PCDHGA6: variants seen among roughly 807,000 people sequenced by gnomAD.
PCDHGA6 encodes the protein protocadherin gamma-A6.
Under a neutral mutation model 60.6 loss-of-function variants are expected in PCDHGA6, and 41 were observed. The ratio of observed to expected loss-of-function variants is 0.68; its 90% CI spans 0.53 to 0.88. The LOEUF (loss-of-function observed/expected upper bound fraction) is 0.88, where lower values mean the gene tolerates loss of function less well. PCDHGA6 is among the 40% of genes least tolerant of loss of function. PCDHGA6 has a pLI of 0.00. For missense variants in PCDHGA6, 1,312 were observed against 1,203.0 expected, an observed-to-expected ratio of 1.09 and a Z score of -1.34; for synonymous variants, 594 against 524.4, an observed-to-expected ratio of 1.13 and a Z score of -1.81.
chr5:141,399,940 C>T lies in PCDHGA6; in HGVS notation c.2424+23433C>T, dbSNP rs374856105. On this transcript the variant is annotated intron_variant, in intron 1 of 3. Transcript: ENST00000517434. Reference sequence around the variant, plus strand: ...CAACGCCTGGCTGTCCTACCACGTGCTGCAGGCTAGCGAGCCCGGGCTCTT... The same window carrying T: ...CAACGCCTGGCTGTCCTACCACGTGTTGCAGGCTAGCGAGCCCGGGCTCTT... 4.8e-4 allele frequency: 772 copies of T among 1,612,360 alleles called. 1 individual carries two copies. In the African/African-American group the frequency reaches 9.6e-3, roughly 20 times the overall value.
intron 1 of PCDHGA6, chr5:141,422,335 C>T (rs1196951059): frequency 6.5e-7 from 1 of 1,549,804 alleles, no homozygotes; most frequent in Non-Finnish European, 8.7e-7. Flanking sequence ...GATTGCTCTT[C>T]TAAATGTGCA....
intron 1 of PCDHGA6, among the ~76,000 whole-genome samples, chr5:141,458,664 G>A (rs544369246): frequency 6.6e-6 from 1 of 152,196 alleles, no homozygotes; most frequent in African/African-American, 2.4e-5. Context: ...CCACCTCTCG[G>A]GTTCAAGCAA....
intron 1 of PCDHGA6, among the ~76,000 whole-genome samples, chr5:141,425,410 A>G (rs1283299220): frequency 2.0e-5 from 3 of 152,240 alleles, no homozygotes; most frequent in African/African-American, 7.2e-5. Flanking sequence ...TTAAGGTATA[A>G]CATATAGTCC....
chr5:141,459,171 A>G (rs2098962477), intron 1 of PCDHGA6, among the ~76,000 whole-genome samples: 1 of 152,180 alleles, frequency 6.6e-6, no homozygotes, highest in Non-Finnish European at 1.5e-5. Flanking sequence ...ATAACCTTCA[A>G]AAGTTCCCTC....
intron 3 of PCDHGA6, chr5:141,506,958 A>C (rs529190059): frequency 1.6e-3 from 239 of 152,280 alleles, no homozygotes; most frequent in African/African-American, 5.5e-3. Flanking sequence ...GAATCCTCTC[A>C]ATAGCTCTGC....
intron 1 of PCDHGA6, among the ~76,000 whole-genome samples, chr5:141,457,968 G>A (rs919621979): frequency 6.6e-6 from 1 of 152,120 alleles, no homozygotes; most frequent in African/African-American, 2.4e-5. Context: ...TTCCTTAAAG[G>A]GAAACACACC....
intron 1 of PCDHGA6, chr5:141,418,622 G>C: frequency 6.2e-7 from 1 of 1,614,026 alleles, no homozygotes; most frequent in Non-Finnish European, 8.5e-7. Context: ...TCGGGAAGAC[G>C]TGCCTCCAGG....
intron 1 of PCDHGA6, chr5:141,404,914 C>T (rs1423848318): frequency 1.2e-6 from 2 of 1,613,948 alleles, no homozygotes; most frequent in Non-Finnish European, 1.7e-6. Flanking sequence ...AGCCCCCTCT[C>T]TCGGCCACTG....
chr5:141,390,556 CAGTTGTTGG>C, intron 1 of PCDHGA6: 2 of 454,162 alleles, frequency 4.4e-6, no homozygotes, highest in Admixed American at 3.9e-5. Flanking sequence ...AAGTGTTAGA[CAGTTGTTGG>C]CTCTCTCCTA....
chr5:141,379,418 GA>G (rs1208942827), intron 1 of PCDHGA6: 1 of 152,186 alleles, frequency 6.6e-6, no homozygotes, highest in African/African-American at 2.4e-5. Context: ...TTAGTCTCAT[GA>G]GTTAGATGGG....
At chr5:141,441,635 G>T in intron 1 of PCDHGA6, 1 of 226,720 alleles carries the variant, frequency 4.4e-6, no homozygotes, top group Non-Finnish European at 8.9e-6. Flanking sequence ...TGGAGCCACA[G>T]GCGCTGTGAT....
In PCDHGA6 at chr5:141,421,591, G is replaced by A. The variant is rs1273484124; in HGVS notation, c.2424+45084G>A. The A allele has an allele frequency of 1.9e-6, 3 of 1,613,756 alleles. No homozygotes were observed. In the Admixed American group the frequency reaches 5.0e-5, roughly 27 times the overall value. ...CACCTTGAAGATTTACGGAGTGGAG[G>A]TGGAAATAATAGATATTAATGATAA... is the stretch of plus-strand genomic sequence containing the variant. On this transcript the variant is annotated intron_variant, in intron 1 of 3. Transcript: ENST00000517434.
At chr5:141,434,920 A>G (rs927245955) in intron 1 of PCDHGA6, among the ~76,000 whole-genome samples, 3 of 151,796 alleles carry the variant, frequency 2.0e-5, no homozygotes, top group East Asian at 1.9e-4. Flanking sequence ...ATTTATGTAC[A>G]TATATTTTAT....
chr5:141,409,369 C>T, intron 1 of PCDHGA6: 1 of 1,613,986 alleles, frequency 6.2e-7, no homozygotes, highest in Non-Finnish European at 8.5e-7. Flanking sequence ...TAGAAACAGA[C>T]ATTCCATTCA....
In PCDHGA6 at chr5:141,488,435, C is replaced by T. The variant is rs111661764; in HGVS notation, c.2425-6372C>T. Among the ~76,000 whole-genome samples, 87 of 152,276 alleles carry T rather than the reference C, an allele frequency of 5.7e-4. 1 individual carries two copies. The highest frequency in any genetic ancestry group is 1.6e-3 in the African/African-American group (67 of 41,546). On this transcript the variant is annotated intron_variant, in intron 1 of 3. Transcript: ENST00000517434. ...AAGCCATCCATGCTTGGCCTCTGAC[C>T]ACCCTCCTGGGTGACCTGATTCAGC...
At chr5:141,385,369 G>T in intron 1 of PCDHGA6, 1 of 1,532,174 alleles carries the variant, frequency 6.5e-7, no homozygotes, top group Admixed American at 2.2e-5. Context: ...TTATTTGCAT[G>T]ATATTTCTCT....
chr5:141,379,512 A>C (rs1476847864), intron 1 of PCDHGA6: 1 of 152,258 alleles, frequency 6.6e-6, no homozygotes, highest in African/African-American at 2.4e-5. Context: ...GTTAAACTAC[A>C]TCTTGAGCAT....
intron 1 of PCDHGA6, chr5:141,429,167 T>TAC (rs1357037045): frequency 6.6e-5 from 9 of 136,102 alleles, no homozygotes; most frequent in African/African-American, 8.8e-5. Context: ...AGACATTGTT[T>TAC]ATACACACAC....
At chr5:141,502,019 G>A (rs1454981730) in intron 2 of PCDHGA6, among the ~76,000 whole-genome samples, 1 of 152,008 alleles carries the variant, frequency 6.6e-6, no homozygotes, top group African/African-American at 2.4e-5. Flanking sequence ...TCTCCTCCCT[G>A]CAACCCCCGC....
Sources: allele counts gnomAD v4.1 joint callset (sites outside exome capture counted in the v4.1 genomes callset), GRCh38; gene constraint gnomAD v4.1.1; transcripts MANE v1.5; gene names NCBI Gene and HGNC (gene_info 2026-07-23, HGNC 2026-07-21).